Variants in GLIS3 observed in about 807,000 individuals in gnomAD.
GLIS3 encodes the protein GLIS family zinc finger 3, also known as zinc finger protein GLIS3.
GLIS3 carries 53 observed loss-of-function variants against 78.6 expected under a neutral mutation model. The ratio of observed to expected loss-of-function variants is 0.67; its 90% confidence interval spans 0.54 to 0.85. The LOEUF (loss-of-function observed/expected upper bound fraction) is 0.85. Among genes scored for constraint, GLIS3 ranks in the 40% least tolerant of loss-of-function variants. GLIS3 has a pLI of 0.00. For missense variants in GLIS3, 1,703 were observed against 1,231.1 expected (o/e 1.38, Z -5.74); for synonymous variants, 684 against 509.9 (o/e 1.34, Z -4.60).
intron 4 of GLIS3, among the ~76,000 whole-genome samples, chr9:3,940,663 C>T (rs568931043): frequency 2.6e-5 from 4 of 152,126 alleles, no homozygotes; most frequent in Non-Finnish European, 4.4e-5. Flanking sequence ...AACAAACTCT[C>T]GGAATCCAAG....
At chr9:4,368,714 C>G in the GLIS3 span, among the ~76,000 whole-genome samples, 1,163 of 152,264 alleles carry the variant, frequency 7.6e-3, 17 homozygotes, top group African/African-American at 0.026. Context: ...TTTGACGAAG[C>G]CACTTCGTGC....
At chr9:4,370,558 G>C in the GLIS3 span, among the ~76,000 whole-genome samples, 39 of 152,040 alleles carry the variant, frequency 2.6e-4, no homozygotes, top group South Asian at 7.9e-3. Flanking sequence ...TTTTTCTCTG[G>C]ATCATGATAG....
At chr9:4,472,005 A>G in the GLIS3 span, among the ~76,000 whole-genome samples, 1 of 152,242 alleles carries the variant, frequency 6.6e-6, no homozygotes, top group Non-Finnish European at 1.5e-5. Context: ...CACATGAAAA[A>G]ATGCTCATCA....
intron 2 of GLIS3, among the ~76,000 whole-genome samples, chr9:4,141,398 C>G (rs187287011): frequency 6.6e-6 from 1 of 152,152 alleles, no homozygotes; most frequent in South Asian, 2.1e-4. Context: ...TGTGTCCAAG[C>G]AATGCACAGA....
In GLIS3 at chr9:4,021,880, T is replaced by C. The variant is rs116954826; in HGVS notation, c.1711-84691A>G. ...ATCGGGCACAACATATCTCTAACAT[T>C]TGAAGCTCCCCCAGCGGTTATTTGG... On this transcript the variant is annotated intron_variant, in intron 4 of 10. Transcript: ENST00000381971. Among the ~76,000 whole-genome samples, 227 of 152,250 alleles carry C rather than the reference T, an allele frequency of 1.5e-3. 5 individuals are homozygous for C. In the East Asian group the frequency reaches 0.041, roughly 28 times the overall value.
intron 4 of GLIS3, among the ~76,000 whole-genome samples, chr9:4,069,228 C>T (rs981032695): frequency 6.6e-6 from 1 of 152,142 alleles, no homozygotes; most frequent in African/African-American, 2.4e-5. Flanking sequence ...AATTAATTGG[C>T]TACTTTGTCT....
intron 4 of GLIS3, among the ~76,000 whole-genome samples, chr9:3,937,880 C>A (rs1190483572): frequency 6.6e-6 from 1 of 152,068 alleles, no homozygotes. Flanking sequence ...ATACTTTAAT[C>A]TTTTTTTACT....
the GLIS3 span, among the ~76,000 whole-genome samples, chr9:4,385,816 AAGAAAG>A: frequency 0.12 from 4,753 of 41,188 alleles, 170 homozygotes; most frequent in Non-Finnish European, 0.15. Flanking sequence ...AAAGAAAAGA[AAGAAAG>A]AGAAAAGAAA....
intron 4 of GLIS3, among the ~76,000 whole-genome samples, chr9:4,023,626 G>C (rs1300875621): frequency 6.6e-6 from 1 of 152,236 alleles, no homozygotes; most frequent in African/African-American, 2.4e-5. Context: ...GTGCAATCCT[G>C]TGTGCTTGAA....
At chr9:4,196,306 C>G (rs1251969311) in intron 2 of GLIS3, among the ~76,000 whole-genome samples, 1 of 152,148 alleles carries the variant, frequency 6.6e-6, no homozygotes, top group African/African-American at 2.4e-5. Context: ...CCAATCAGCT[C>G]TCTGTAAAAT....
At chr9:3,924,955 T>C (rs1017226944) in intron 6 of GLIS3, among the ~76,000 whole-genome samples, 1 of 152,174 alleles carries the variant, frequency 6.6e-6, no homozygotes, top group African/African-American at 2.4e-5. Flanking sequence ...TTCCATAAGG[T>C]AGCTGTGCTA....
At chr9:4,231,606 A>AAAGG (rs1337721832) in intron 2 of GLIS3, among the ~76,000 whole-genome samples, 1 of 152,240 alleles carries the variant, frequency 6.6e-6, no homozygotes, top group Non-Finnish European at 1.5e-5. Context: ...CAAAACTCTT[A>AAAGG]AAGGAACAAC....
At position 3,972,676 on chromosome 9, in the gene GLIS3, T is replaced by C. The variant is rs548801517; in HGVS notation, c.1711-35487A>G. Among the ~76,000 whole-genome samples the C allele has an allele frequency of 2.0e-5, 3 of 152,294 alleles. No individual in the cohort carries two copies. The South Asian group carries it at 6.2e-4, about 32-fold the overall frequency. On this transcript the variant is annotated intron_variant, in intron 4 of 10. Transcript: ENST00000381971. ...ATGAAATGTGGTGGGCACAAAAGCTTTAGGACTTGAGGTTATAGTACTATG... is the reference window on the plus strand; with the variant it reads ...ATGAAATGTGGTGGGCACAAAAGCTCTAGGACTTGAGGTTATAGTACTATG...
rs142340944 is a variant in GLIS3 at position 4,066,238 on chromosome 9, C to G, written c.1710+51530G>C. On this transcript the variant is annotated intron_variant, in intron 4 of 10. Transcript: ENST00000381971. Reference sequence around the variant, plus strand: ...CCCTGGCACAGAAGCGAAAGAGACTCCAGCAGATCATTAACACTCATTGCT... The same window carrying G: ...CCCTGGCACAGAAGCGAAAGAGACTGCAGCAGATCATTAACACTCATTGCT... 2.6e-5 allele frequency among the ~76,000 whole-genome samples: 4 copies of G among 152,296 alleles called. No individual in the cohort carries two copies. In the East Asian group the frequency reaches 7.7e-4, roughly 29 times the overall value.
chr9:4,031,317 T>C (rs1823813308), intron 4 of GLIS3, among the ~76,000 whole-genome samples: 1 of 152,144 alleles, frequency 6.6e-6, no homozygotes, highest in Admixed American at 6.6e-5. Flanking sequence ...AAAAAATGAA[T>C]GAGGCACTGA....
chr9:4,281,111 A>C (rs1390093096), intron 2 of GLIS3, among the ~76,000 whole-genome samples: 1 of 152,210 alleles, frequency 6.6e-6, no homozygotes, highest in African/African-American at 2.4e-5. Flanking sequence ...AATAAATTAA[A>C]AGAAAAATAG....
intron 6 of GLIS3, among the ~76,000 whole-genome samples, chr9:3,928,116 G>A (rs575702599): frequency 2.6e-5 from 4 of 152,300 alleles, no homozygotes; most frequent in East Asian, 1.9e-4. Flanking sequence ...AATCAGTGCC[G>A]TTTCAATGTC....
intron 8 of GLIS3, among the ~76,000 whole-genome samples, chr9:3,867,070 T>A (rs1820635114): frequency 1.3e-5 from 2 of 152,210 alleles, no homozygotes; most frequent in East Asian, 3.8e-4. Context: ...AAGGGAAGAA[T>A]CTGAGTTGAC....
intron 2 of GLIS3, among the ~76,000 whole-genome samples, chr9:4,153,233 G>T (rs974021282): frequency 1.3e-5 from 2 of 152,178 alleles, no homozygotes; most frequent in African/African-American, 4.8e-5. Flanking sequence ...TTCTAACTTG[G>T]AAGAATAAAA....
Sources: gnomAD v4.1 joint callset for allele counts (sites outside exome capture counted in the v4.1 genomes callset) on GRCh38, gnomAD v4.1.1 for gene constraint, MANE v1.5 for transcripts, NCBI Gene and HGNC (gene_info 2026-07-23, HGNC 2026-07-21) for gene names.